METTL22: variants seen among roughly 807,000 people sequenced by gnomAD.
The protein encoded by METTL22 is methyltransferase-like protein 22.
Under a neutral mutation model 48.4 loss-of-function variants are expected in METTL22, and 51 were observed. That is an observed-to-expected ratio of 1.05 (90% CI 0.84 to 1.33). The LOEUF (loss-of-function observed/expected upper bound fraction) is 1.33. Among genes scored for constraint, METTL22 ranks in the 40% most tolerant of loss-of-function variants. The pLI is 0.00. For missense variants in METTL22, 678 were observed against 526.9 expected, an observed-to-expected ratio of 1.29 and a Z score of -2.81; for synonymous variants, 255 against 214.1, an observed-to-expected ratio of 1.19 and a Z score of -1.67.
intron 5 of METTL22, among the ~76,000 whole-genome samples, chr16:8,638,770 G>A (rs929873464): frequency 5.3e-5 from 8 of 152,194 alleles, no homozygotes; most frequent in African/African-American, 1.9e-4. Flanking sequence ...CAGCTCCTGT[G>A]TGGCCATAAA....
At chr16:8,657,824 C>CTTTTTTTT in the METTL22 span, among the ~76,000 whole-genome samples, 3 of 137,434 alleles carry the variant, frequency 2.2e-5, 1 homozygote, top group African/African-American at 8.7e-5. Flanking sequence ...TCTTTTCTTT[C>CTTTTTTTT]TTTTTTTTTT....
intron 10 of METTL22, among the ~76,000 whole-genome samples, chr16:8,645,733 G>A (rs2056766044): frequency 1.3e-5 from 2 of 152,166 alleles, no homozygotes; most frequent in African/African-American, 4.8e-5. Context: ...CTGTGATGGT[G>A]CCACTGCACT....
chr16:8,665,827 A>G, the METTL22 span, among the ~76,000 whole-genome samples: 1 of 152,228 alleles, frequency 6.6e-6, no homozygotes, highest in Non-Finnish European at 1.5e-5. Flanking sequence ...TGAGGCCTGC[A>G]TGTAGCATTT....
chr16:8,645,922 TA>T (rs2141820768), intron 10 of METTL22, 185 bp from the exon 11 acceptor site: 1 of 958,292 alleles, frequency 1.0e-6, no homozygotes, highest in Non-Finnish European at 1.2e-6. Context: ...TCTGCCACAG[TA>T]AAATAGAACA....
At chr16:8,643,962 A>C (rs1054432036) in intron 9 of METTL22, among the ~76,000 whole-genome samples, 2 of 152,190 alleles carry the variant, frequency 1.3e-5, no homozygotes, top group African/African-American at 4.8e-5. Flanking sequence ...CTTGATAAAA[A>C]AATTTGGAAA....
intron 10 of METTL22, chr16:8,645,841 G>T (rs62030945): frequency 3.8e-6 from 4 of 1,044,226 alleles, no homozygotes; most frequent in Non-Finnish European, 4.9e-6. Flanking sequence ...CTGCTATTCT[G>T]GTCTCTTCTG....
chr16:8,654,555 A>G (rs983716885), downstream of METTL22, among the ~76,000 whole-genome samples: 2 of 152,272 alleles, frequency 1.3e-5, no homozygotes, highest in African/African-American at 4.8e-5. Flanking sequence ...ACATGCACGC[A>G]TGCATACACA....
intron 10 of METTL22, among the ~76,000 whole-genome samples, chr16:8,645,603 C>T (rs1356349986): frequency 9.6e-6 from 1 of 104,086 alleles, no homozygotes; most frequent in Non-Finnish European, 2.0e-5. Context: ...CAGACCCTAT[C>T]TCGACAAAAA....
At position 8,647,407 on chromosome 16, in the gene METTL22, A is replaced by G. The variant is rs1184386674; in HGVS notation, c.*1264A>G. 6.6e-6 allele frequency: 1 copy of G among 152,192 alleles called. No individual in the cohort carries two copies. Among genetic ancestry groups the G allele is most frequent in the Non-Finnish European group, 1.5e-5 (1 of 68,066 alleles). 9.4% of individuals were successfully genotyped at this position (152,192 alleles called of 1,614,324 possible). On this transcript the variant is annotated 3_prime_UTR_variant, in exon 11 of 11. Coordinates refer to ENST00000381920, the MANE Select transcript of METTL22 (RefSeq NM_024109.4). ...GGCAAACAGTAGATGCTCAACACAT[A>G]TTGTTGAATGAATTGCTAATGTAAG... is the stretch of plus-strand genomic sequence containing the variant.
chr16:8,663,206 CAA>C, the METTL22 span, among the ~76,000 whole-genome samples: 1 of 6,428 alleles, frequency 1.6e-4, no homozygotes, highest in Non-Finnish European at 3.4e-4. Context: ...AACTCCGTCT[CAA>C]AAAAAAAAAA....
Position 8,649,411 on chromosome 16 carries a change from C to A in METTL22, c.*3268C>A, listed in dbSNP as rs1384956235. On this transcript the variant is annotated 3_prime_UTR_variant, in exon 11 of 11. Transcript: ENST00000381920. ...GGTAATTAGCCCAGGCCAGTGGACT[C>A]AATTTTTTTATAACATTTTCAGAAA... The A allele has an allele frequency of 6.6e-6, 1 of 152,128 alleles. No individual in the cohort carries two copies. Among genetic ancestry groups the A allele is most frequent in the Non-Finnish European group, 1.5e-5 (1 of 68,026 alleles). 9.4% of individuals were successfully genotyped at this position (152,128 alleles called of 1,614,324 possible).
chr16:8,656,421 G>A, the METTL22 span, among the ~76,000 whole-genome samples: 2 of 152,144 alleles, frequency 1.3e-5, no homozygotes, highest in African/African-American at 2.4e-5. Flanking sequence ...TAGACCTCAG[G>A]CACCAACTGC....
chr16:8,660,859 AGAGGAG>A, the METTL22 span, among the ~76,000 whole-genome samples: 1 of 1,564 alleles, frequency 6.4e-4, no homozygotes, highest in African/African-American at 1.5e-3. Flanking sequence ...GGGAGGAGGA[AGAGGAG>A]GAGGAGGAGG....
intron 1 of METTL22, among the ~76,000 whole-genome samples, chr16:8,622,182 C>T (rs541497552): frequency 6.6e-6 from 1 of 152,226 alleles, no homozygotes; most frequent in Non-Finnish European, 1.5e-5. Context: ...TTCCTGCCCC[C>T]AGCCTGGGCC....
At chr16:8,632,028 C>G (rs143818316) in intron 3 of METTL22, 181 of 152,346 alleles carry the variant, frequency 1.2e-3, no homozygotes, top group African/African-American at 4.2e-3. Flanking sequence ...GCATATTTAC[C>G]CATTCGAACA....
Position 8,642,362 on chromosome 16 carries a change from C to T in METTL22, c.908-101C>T, listed in dbSNP as rs943186826. 2.0e-5 allele frequency: 26 copies of T among 1,295,936 alleles called. No individual in the cohort carries two copies. In the East Asian group the frequency reaches 5.5e-4, roughly 28 times the overall value. The allele number at this position is 1,295,936 out of a possible 1,614,324, so 80.3% of individuals were successfully genotyped here. ...TTTAATTCTGGAAGCTGCTGCTGTT[C>T]CGTGGTGATAAGCATTCTCTCTGTG... On this transcript the variant is annotated intron_variant, in intron 8 of 10. Transcript: ENST00000381920.
intron 2 of METTL22, among the ~76,000 whole-genome samples, chr16:8,626,432 A>C (rs1051523117): frequency 3.4e-5 from 5 of 148,204 alleles, no homozygotes; most frequent in African/African-American, 1.2e-4. Context: ...CTGGGGCTCC[A>C]TCTGTCCTCT....
At chr16:8,634,278 C>G (rs185455514) in intron 3 of METTL22, among the ~76,000 whole-genome samples, 1 of 152,178 alleles carries the variant, frequency 6.6e-6, no homozygotes, top group African/African-American at 2.4e-5. Flanking sequence ...ACAGACAGAG[C>G]GATTGGCGAT....
rs372709125 is a variant in METTL22, at chr16:8,641,153, A to G, written c.795A>G (p.Glu265=). 1 of 1,613,980 alleles carries G rather than the reference A, an allele frequency of 6.2e-7. No individual in the cohort carries two copies. Among genetic ancestry groups the G allele is most frequent in the Non-Finnish European group, 8.5e-7 (1 of 1,179,956 alleles). The change falls in exon 7 of 11, where the codon GAA becomes GAG. Residue 265 remains glutamate, a synonymous_variant. Coordinates refer to ENST00000381920, the MANE Select transcript of METTL22 (RefSeq NM_024109.4). ...CAGGTGGTATAGTTAGGGTCAAAGA[A>G]CTGGACTGGCTGAAGGACGACCTCT... ...ATGGGIVRVK[E]LDWLKDDLCT...
Sources: gnomAD v4.1 joint callset for allele counts (sites outside exome capture counted in the v4.1 genomes callset) on GRCh38, gnomAD v4.1.1 for gene constraint, MANE v1.5 for transcripts, NCBI Gene and HGNC (gene_info 2026-07-23, HGNC 2026-07-21) for gene names.